The following ARHGAP6 variants were observed in gnomAD, a reference collection of about 807,000 sequenced individuals.
ARHGAP6 encodes the protein Rho GTPase activating protein 6.
A neutral mutation model predicts 55.7 loss-of-function variants in ARHGAP6; 16 were observed. The observed-to-expected ratio is 0.29, with a 90% CI of 0.19 to 0.44. The LOEUF (loss-of-function observed/expected upper bound fraction) is 0.44, where lower values mean the gene tolerates loss of function less well. Ranked by LOEUF, ARHGAP6 falls within the 20% of genes least tolerant of loss-of-function variation. The pLI is 1.00. For missense variants in ARHGAP6, 698 were observed against 808.9 expected, an observed-to-expected ratio of 0.86 and a Z score of 1.66; for synonymous variants, 382 against 360.9, an observed-to-expected ratio of 1.06 and a Z score of -0.66.
chrX:11,483,644 GT>G (rs72479996), intron 1 of ARHGAP6, among the ~76,000 whole-genome samples: 6,489 of 102,593 alleles, frequency 0.063, 170 homozygotes, highest in African/African-American at 0.084. Flanking sequence ...ATAATCAAAT[GT>G]TTTTTTTTTT....
intron 1 of ARHGAP6, among the ~76,000 whole-genome samples, chrX:11,595,338 T>C (rs1460864552): frequency 9.2e-6 from 1 of 108,429 alleles, no homozygotes; most frequent in Non-Finnish European, 1.9e-5. Context: ...AGATTCCCTG[T>C]TTAATAAATG....
intron 3 of ARHGAP6, among the ~76,000 whole-genome samples, chrX:11,196,293 T>A (rs780519638): frequency 9.0e-6 from 1 of 111,045 alleles, no homozygotes; most frequent in South Asian, 3.8e-4. Context: ...GGTGGTAGGG[T>A]GGGCATTGGG....
intron 1 of ARHGAP6, among the ~76,000 whole-genome samples, chrX:11,425,760 A>T (rs949172565): frequency 4.4e-5 from 5 of 112,628 alleles, no homozygotes; most frequent in Non-Finnish European, 7.5e-5. Context: ...TAATATATTT[A>T]CATAATTGAG....
At chrX:11,401,805 T>C (rs988600072) in intron 1 of ARHGAP6, among the ~76,000 whole-genome samples, 2 of 112,613 alleles carry the variant, frequency 1.8e-5, no homozygotes, top group African/African-American at 6.5e-5. Flanking sequence ...CAAATGTTTG[T>C]TAGCTTAAAT....
intron 1 of ARHGAP6, among the ~76,000 whole-genome samples, chrX:11,255,817 A>G (rs1380383748): frequency 1.8e-5 from 2 of 112,009 alleles, no homozygotes; most frequent in African/African-American, 3.2e-5. Context: ...CTTGCAGGCC[A>G]CTGAGGGTAA....
chrX:11,467,830 A>G (rs1385853937), intron 1 of ARHGAP6, among the ~76,000 whole-genome samples: 1 of 109,987 alleles, frequency 9.1e-6, no homozygotes. Flanking sequence ...AAATACAAAA[A>G]TTCGCCAGGC....
Position 11,665,498 on chromosome X carries a change from A to G in ARHGAP6, c.-670T>C. 8.7e-6 allele frequency: 1 copy of G among 114,392 alleles called. No homozygotes were observed. Among genetic ancestry groups the G allele is most frequent in the African/African-American group, 3.2e-5 (1 of 31,613 alleles). The allele number at this position is 114,392 out of a possible 1,213,427, so 9.4% of individuals were successfully genotyped here. A position where few individuals can be genotyped will look rare whatever the true frequency, so the allele number is the denominator to read the frequency against. On this transcript the variant is annotated 5_prime_UTR_variant, in exon 1 of 13. Transcript: ENST00000337414. ...AGGCTCAAGGGTTGTTCCAAGCTCA[A>G]GGTTCCCGCGGGGTCTCTGTCTTGC...
chrX:11,197,579 G>T (rs1292639049), intron 2 of ARHGAP6, among the ~76,000 whole-genome samples: 1 of 112,236 alleles, frequency 8.9e-6, no homozygotes, highest in Admixed American at 9.4e-5. Flanking sequence ...TTCATAGGGA[G>T]TCTAACACAG....
intron 1 of ARHGAP6, among the ~76,000 whole-genome samples, chrX:11,642,627 T>A (rs1020580296): frequency 8.9e-6 from 1 of 112,344 alleles, no homozygotes; most frequent in Admixed American, 9.4e-5. Flanking sequence ...GAAGTTCAGA[T>A]ACATACTATA....
At chrX:11,322,442 T>C (rs1480069822) in intron 1 of ARHGAP6, among the ~76,000 whole-genome samples, 1 of 111,149 alleles carries the variant, frequency 9.0e-6, no homozygotes, top group Non-Finnish European at 1.9e-5. Flanking sequence ...CACTGCAACC[T>C]CTGCCTCCCA....
At chrX:11,498,182 A>G (rs1462623647) in intron 1 of ARHGAP6, among the ~76,000 whole-genome samples, 4 of 111,640 alleles carry the variant, frequency 3.6e-5, no homozygotes, top group Non-Finnish European at 7.5e-5. Flanking sequence ...CCCATAACAA[A>G]TAATGTTGCA....
intron 1 of ARHGAP6, among the ~76,000 whole-genome samples, chrX:11,273,896 G>GT (rs1050087346): frequency 3.6e-5 from 4 of 111,427 alleles, no homozygotes; most frequent in Non-Finnish European, 5.7e-5. Context: ...GTCCCTTATG[G>GT]TGTACTCATG....
intron 1 of ARHGAP6, among the ~76,000 whole-genome samples, chrX:11,471,390 T>G (rs1160883710): frequency 1.8e-5 from 2 of 112,195 alleles, no homozygotes; most frequent in Non-Finnish European, 3.8e-5. Context: ...TGGAAATATA[T>G]TACTATTATT....
chrX:11,521,173 T>TTTGTCAA (rs1171979245), intron 1 of ARHGAP6, among the ~76,000 whole-genome samples: 22 of 112,213 alleles, frequency 2.0e-4, no homozygotes, highest in Non-Finnish European at 1.9e-4. Flanking sequence ...TTAGATCCCA[T>TTTGTCAA]TTGTCAATTT....
intron 1 of ARHGAP6, among the ~76,000 whole-genome samples, chrX:11,403,505 A>C (rs1377553819): frequency 8.9e-6 from 1 of 112,532 alleles, no homozygotes; most frequent in African/African-American, 3.2e-5. Context: ...AATATTTCAG[A>C]TATATTAGGT....
intron 1 of ARHGAP6, among the ~76,000 whole-genome samples, chrX:11,533,707 C>T (rs1176619225): frequency 1.8e-5 from 2 of 111,794 alleles, no homozygotes; most frequent in Non-Finnish European, 3.8e-5. Context: ...TTCACAGGTC[C>T]CACATAAGCA....
chrX:11,433,322 A>G (rs1197426314), intron 1 of ARHGAP6, among the ~76,000 whole-genome samples: 2 of 112,345 alleles, frequency 1.8e-5, no homozygotes, highest in Non-Finnish European at 3.8e-5. Flanking sequence ...ATAAATGACC[A>G]TTACAGTAGG....
At chrX:11,489,760 G>C (rs1003984863) in intron 1 of ARHGAP6, among the ~76,000 whole-genome samples, 2 of 111,837 alleles carry the variant, frequency 1.8e-5, no homozygotes, top group African/African-American at 6.5e-5. Context: ...CAACATAACA[G>C]CATCAGTTTC....
At chrX:11,662,749 C>A (rs938642147) in intron 1 of ARHGAP6, among the ~76,000 whole-genome samples, 2 of 112,526 alleles carry the variant, frequency 1.8e-5, no homozygotes, top group African/African-American at 6.5e-5. Flanking sequence ...CTTAATGATG[C>A]AATTAGTTTT....
Sources: gnomAD v4.1 joint callset for allele counts (sites outside exome capture counted in the v4.1 genomes callset) on GRCh38, gnomAD v4.1.1 for gene constraint, MANE v1.5 for transcripts, NCBI Gene and HGNC (gene_info 2026-07-23, HGNC 2026-07-21) for gene names.